Variants in EXT1 observed in about 807,000 individuals in gnomAD.
EXT1 encodes exostosin-1.
Under a neutral mutation model 82.5 loss-of-function variants are expected in EXT1, and 20 were observed. The ratio of observed to expected loss-of-function variants is 0.24; its 90% CI spans 0.17 to 0.35. The LOEUF (loss-of-function observed/expected upper bound fraction) is 0.35, where lower values mean the gene tolerates loss of function less well. EXT1 is among the 10% of genes least tolerant of loss of function. EXT1 has a pLI of 1.00. For synonymous variants in EXT1, 348 were observed against 350.8 expected, an observed-to-expected ratio of 0.99 and a Z score of 0.09; for missense variants, 757 against 936.5, an observed-to-expected ratio of 0.81 and a Z score of 2.50.
At chr8:117,839,195 T>C (rs1189901363) in intron 1 of EXT1, among the ~76,000 whole-genome samples, 1 of 152,168 alleles carries the variant, frequency 6.6e-6, no homozygotes, top group Non-Finnish European at 1.5e-5. Flanking sequence ...GTGGGAAGAA[T>C]ACCCTTGCAG....
chr8:117,897,591 CTTTTTTTTTT>C (rs34963536), intron 1 of EXT1, among the ~76,000 whole-genome samples: 9 of 90,654 alleles, frequency 9.9e-5, no homozygotes, highest in East Asian at 3.7e-4. Flanking sequence ...CTTCTTTTCT[CTTTTTTTTTT>C]TTTTTTTTTT....
intron 3 of EXT1, among the ~76,000 whole-genome samples, chr8:117,831,116 C>T (rs1257234275): frequency 2.0e-5 from 3 of 152,074 alleles, no homozygotes; most frequent in Admixed American, 6.5e-5. Context: ...ACCACAGGGA[C>T]GTCATTATTT....
chr8:117,945,503 T>C (rs1814370167), intron 1 of EXT1, among the ~76,000 whole-genome samples: 1 of 151,828 alleles, frequency 6.6e-6, no homozygotes, highest in African/African-American at 2.4e-5. Context: ...CTGTGGTTTT[T>C]ATTTTATTTT....
chr8:117,967,841 C>A (rs1343010458), intron 1 of EXT1, among the ~76,000 whole-genome samples: 3 of 152,190 alleles, frequency 2.0e-5, no homozygotes, highest in African/African-American at 7.2e-5. Flanking sequence ...CAAGATCACA[C>A]AAGTGTGTAA....
chr8:117,932,494 T>C lies in EXT1; in HGVS notation c.963-95293A>G, dbSNP rs376273265. ...CTGCTAAGACTACTTCTAACAAATG[T>C]AGGAGGCTGTTACGTAAAAATGGGA... On this transcript the variant is annotated intron_variant, in intron 1 of 10. Transcript: ENST00000378204. Among the ~76,000 whole-genome samples, 18 of 152,248 alleles carry C rather than the reference T, an allele frequency of 1.2e-4. 1 individual carries two copies. In the East Asian group the frequency reaches 2.9e-3, roughly 24 times the overall value.
chr8:118,031,957 C>A (rs1259247752), intron 1 of EXT1, among the ~76,000 whole-genome samples: 3 of 151,934 alleles, frequency 2.0e-5, no homozygotes, highest in African/African-American at 7.2e-5. Context: ...TGCTCCTCAA[C>A]CCTAAAGCCA....
At chr8:118,075,029 G>A (rs898997902) in intron 1 of EXT1, among the ~76,000 whole-genome samples, 4 of 152,104 alleles carry the variant, frequency 2.6e-5, no homozygotes, top group African/African-American at 9.7e-5. Context: ...GTCAACAAGC[G>A]GGTTTTCAGT....
rs201224521 is a variant in EXT1, at chr8:117,944,427, G to GC, written c.963-107227dup. Among the ~76,000 whole-genome samples the GC allele has an allele frequency of 9.8e-3, 1,496 of 152,190 alleles. 22 individuals carry two copies. Among genetic ancestry groups the GC allele is most frequent in the African/African-American group, 0.035 (1,436 of 41,524 alleles). On this transcript the variant is annotated intron_variant, in intron 1 of 10. Coordinates refer to ENST00000378204, the MANE Select transcript of EXT1 (RefSeq NM_000127.3). ...ATAAAAAAGTGAAATCGGAGTTAAT[G>GC]CCCCAAAGGCAGCATATATTGTCTC...
chr8:118,047,538 T>G (rs1457544592), intron 1 of EXT1, among the ~76,000 whole-genome samples: 1 of 152,104 alleles, frequency 6.6e-6, no homozygotes, highest in Non-Finnish European at 1.5e-5. Context: ...AAGGACTAAA[T>G]ACAAAGTACT....
chr8:117,856,932 T>C (rs1812572836), intron 1 of EXT1, among the ~76,000 whole-genome samples: 1 of 152,148 alleles, frequency 6.6e-6, no homozygotes, highest in Non-Finnish European at 1.5e-5. Context: ...TTGAAGCCAA[T>C]GCTCATTTAC....
At chr8:118,105,409 A>G (rs1440333028) in intron 1 of EXT1, among the ~76,000 whole-genome samples, 7 of 152,256 alleles carry the variant, frequency 4.6e-5, no homozygotes, top group Admixed American at 4.6e-4. Context: ...CCCCTAGCTT[A>G]GATCACAGAC....
At chr8:117,855,619 C>T (rs936583837) in intron 1 of EXT1, among the ~76,000 whole-genome samples, 1 of 152,254 alleles carries the variant, frequency 6.6e-6, no homozygotes, top group African/African-American at 2.4e-5. Context: ...ATTAATAACC[C>T]TACAATGGCC....
At chr8:117,966,808 G>A (rs148099790) in intron 1 of EXT1, among the ~76,000 whole-genome samples, 38 of 152,120 alleles carry the variant, frequency 2.5e-4, no homozygotes, top group African/African-American at 8.7e-4. Flanking sequence ...CCCCCTTTTC[G>A]TTTTTCAGCC....
At chr8:117,826,922 C>A (rs774067851) in intron 4 of EXT1, among the ~76,000 whole-genome samples, 10 of 152,126 alleles carry the variant, frequency 6.6e-5, no homozygotes, top group Non-Finnish European at 5.9e-5. Context: ...GTAAGACATT[C>A]AACTGTTACA....
chr8:118,102,192 A>G (rs1247256758), intron 1 of EXT1, among the ~76,000 whole-genome samples: 1 of 152,060 alleles, frequency 6.6e-6, no homozygotes, highest in Non-Finnish European at 1.5e-5. Context: ...CCTTGAACCC[A>G]GGAAGCGAAG....
At chr8:118,028,277 C>A (rs2129872312) in intron 1 of EXT1, among the ~76,000 whole-genome samples, 1 of 152,374 alleles carries the variant, frequency 6.6e-6, no homozygotes, top group African/African-American at 2.4e-5. Context: ...GGCAAGGACG[C>A]ATCTGGCCTC....
intron 1 of EXT1, among the ~76,000 whole-genome samples, chr8:117,855,828 C>T (rs867833667): frequency 2.2e-4 from 33 of 152,300 alleles, no homozygotes; most frequent in African/African-American, 7.2e-4. Context: ...ACCACCATGC[C>T]TGGCTAATTT....
At chr8:117,836,239 CA>C (rs1206323332) in intron 2 of EXT1, among the ~76,000 whole-genome samples, 1 of 152,174 alleles carries the variant, frequency 6.6e-6, no homozygotes, top group Non-Finnish European at 1.5e-5. Context: ...TTTCTTTATG[CA>C]GCATCCCAGG....
At chr8:118,012,434 C>A (rs1013581334) in intron 1 of EXT1, among the ~76,000 whole-genome samples, 2 of 152,222 alleles carry the variant, frequency 1.3e-5, no homozygotes, top group African/African-American at 2.4e-5. Flanking sequence ...CTAGATGGAA[C>A]AAGCTGCTGG....
Sources: gnomAD v4.1 joint callset for allele counts (sites outside exome capture counted in the v4.1 genomes callset) on GRCh38, gnomAD v4.1.1 for gene constraint, MANE v1.5 for transcripts, NCBI Gene and HGNC (gene_info 2026-07-23, HGNC 2026-07-21) for gene names.